Variants in SYTL5 observed in about 807,000 individuals in gnomAD.
SYTL5 encodes the protein synaptotagmin like 5.
In SYTL5, 34 loss-of-function variants were observed where a neutral mutation model predicts 55.9. The observed-to-expected ratio is 0.61, with a 90% CI of 0.46 to 0.81. The LOEUF is 0.81. Ranked by LOEUF, SYTL5 falls within the 30% of genes least tolerant of loss-of-function variation. The pLI is 0.00. For synonymous variants in SYTL5, 221 were observed against 188.7 expected (o/e 1.17, Z -1.40); for missense variants, 637 against 546.7 (o/e 1.17, Z -1.65).
At chrX:37,971,337 G>C in the SYTL5 span, among the ~76,000 whole-genome samples, 4 of 110,221 alleles carry the variant, frequency 3.6e-5, no homozygotes, top group Non-Finnish European at 3.8e-5. Context: ...TACATCATAA[G>C]GTAAGAAGAG....
intron 13 of SYTL5, among the ~76,000 whole-genome samples, chrX:38,113,986 A>G (rs1937424196): frequency 9.0e-6 from 1 of 111,507 alleles, no homozygotes; most frequent in South Asian, 3.8e-4. Flanking sequence ...GGACTTAACA[A>G]CAGTTACTCT....
At chrX:37,977,131 C>G in the SYTL5 span, among the ~76,000 whole-genome samples, 2 of 111,453 alleles carry the variant, frequency 1.8e-5, no homozygotes, top group East Asian at 5.6e-4. Context: ...AGAAATCAAG[C>G]ACAGTAGATG....
At chrX:38,023,176 T>C (rs148951319) in intron 1 of SYTL5, among the ~76,000 whole-genome samples, 291 of 112,088 alleles carry the variant, frequency 2.6e-3, no homozygotes, top group African/African-American at 9.2e-3. Context: ...TGTCACCTAA[T>C]TCACAGCATG....
chrX:38,010,580 C>T (rs1347609185), intron 1 of SYTL5, among the ~76,000 whole-genome samples: 1 of 111,634 alleles, frequency 9.0e-6, no homozygotes, highest in South Asian at 3.8e-4. Context: ...TGAAATATGT[C>T]AGTATATCAT....
chrX:38,120,534 G>A (rs760032244), intron 14 of SYTL5, 68 bp downstream of exon 14: 14 of 819,501 alleles, frequency 1.7e-5, no homozygotes, highest in Non-Finnish European at 2.6e-5. Context: ...TGGGACTCAG[G>A]GATTGGTTGC....
intron 7 of SYTL5, among the ~76,000 whole-genome samples, chrX:38,090,925 C>A (rs1212632180): frequency 8.9e-6 from 1 of 112,124 alleles, no homozygotes; most frequent in African/African-American, 3.2e-5. Context: ...AGGAAGGAGG[C>A]CAATGCAGCT....
At chrX:38,020,637 T>C (rs746223572) in intron 1 of SYTL5, among the ~76,000 whole-genome samples, 1 of 108,867 alleles carries the variant, frequency 9.2e-6, no homozygotes, top group South Asian at 4.0e-4. Context: ...AAATTCTTAA[T>C]AGAAAGTCTA....
At chrX:37,930,236 A>G in the SYTL5 span, among the ~76,000 whole-genome samples, 1 of 111,387 alleles carries the variant, frequency 9.0e-6, no homozygotes, top group African/African-American at 3.3e-5. Context: ...TAAATATTAT[A>G]ATTTACTTTT....
the SYTL5 span, among the ~76,000 whole-genome samples, chrX:37,934,815 G>A: frequency 2.7e-5 from 3 of 109,767 alleles, no homozygotes; most frequent in South Asian, 1.2e-3. Context: ...TGTATTTTTA[G>A]TAGAGGTGGG....
At chrX:38,029,967 C>T (rs1344532386) in intron 1 of SYTL5, among the ~76,000 whole-genome samples, 2 of 111,692 alleles carry the variant, frequency 1.8e-5, no homozygotes, top group Non-Finnish European at 3.8e-5. Flanking sequence ...TAGGGCTTAA[C>T]TTGCAGGCAC....
Position 38,089,510 on chromosome X carries a change from C to A in SYTL5, c.754C>A (p.Arg252=), listed in dbSNP as rs749025890. 8.3e-7 allele frequency: 1 copy of A among 1,210,506 alleles called. No individual in the cohort carries two copies. Among genetic ancestry groups the A allele is most frequent in the South Asian group, 1.8e-5 (1 of 56,839 alleles). ...EPGPRTPKSS[R]SNGVTPGTQS... is the part of the protein sequence containing the mutation. ...TGGTCCTAGGACCCCGAAGAGCAGT[C>A]GGAGCAATGGTGTGACCCCAGGCAC... The change falls in exon 7 of 17, where the codon CGG becomes AGG. Residue 252 remains arginine (R), a synonymous_variant. Coordinates refer to ENST00000297875, the MANE Select transcript of SYTL5 (RefSeq NM_138780.3).
rs138971466 is a variant in SYTL5, at chrX:38,026,813, G to A, written c.-356-6721G>A. The stretch of plus-strand genomic sequence containing the variant: ...AAGGTCTTTATGACCTGTACCTTGT[G>A]CTGACCTCCTGTCTCATCCTGTGAC... On this transcript the variant is annotated intron_variant, in intron 1 of 16. Coordinates refer to ENST00000297875, the MANE Select transcript of SYTL5 (RefSeq NM_138780.3). 4.6e-3 allele frequency among the ~76,000 whole-genome samples: 511 copies of A among 111,575 alleles called. 1 individual carries two copies. Among genetic ancestry groups the A allele is most frequent in the African/African-American group, 0.016 (490 of 30,751 alleles).
chrX:38,010,748 G>A (rs1278407571), intron 1 of SYTL5, among the ~76,000 whole-genome samples: 1 of 111,513 alleles, frequency 9.0e-6, no homozygotes, highest in Admixed American at 9.5e-5. Flanking sequence ...CAATTTATAG[G>A]ATTATTGCCC....
At chrX:38,095,492 C>T (rs1278398940) in intron 8 of SYTL5, among the ~76,000 whole-genome samples, 1 of 111,732 alleles carries the variant, frequency 8.9e-6, no homozygotes, top group African/African-American at 3.2e-5. Context: ...ATAAGCTGTC[C>T]TGACTTGGTA....
chrX:38,126,790 T>C lies in SYTL5; in HGVS notation c.*60T>C. ...CCTATCTGGCTGTCTTTTCCTACCA[T>C]TAGCAAACTGAGACCTGGGATTCTG... On this transcript the variant is annotated 3_prime_UTR_variant, in exon 17 of 17. Transcript: ENST00000297875. The C allele has an allele frequency of 8.2e-6, 9 of 1,102,936 alleles. No individual in the cohort carries two copies. The highest frequency in any genetic ancestry group is 1.1e-5 in the Non-Finnish European group (9 of 820,868). 90.9% of individuals were successfully genotyped at this position (1,102,936 alleles called of 1,213,427 possible).
the SYTL5 span, among the ~76,000 whole-genome samples, chrX:37,927,421 G>C: frequency 9.0e-6 from 1 of 111,530 alleles, no homozygotes; most frequent in Non-Finnish European, 1.9e-5. Context: ...AACAAAGGCA[G>C]CTCCGACTGA....
the SYTL5 span, among the ~76,000 whole-genome samples, chrX:37,893,698 T>G: frequency 1.3e-5 from 1 of 78,751 alleles, no homozygotes; most frequent in Non-Finnish European, 2.2e-5. Context: ...ATAGATTATA[T>G]ATAATCTATA....
At position 38,110,634 on chromosome X, in the gene SYTL5, ATGT is replaced by A. The variant is rs34784102; in HGVS notation, c.1596+156_1596+158del. The A allele has an allele frequency of 1.2e-3, 467 of 402,464 alleles. 1 individual carries two copies. The Admixed American group carries it at 0.02, about 17-fold the overall frequency. 33.2% of individuals were successfully genotyped at this position (402,464 alleles called of 1,213,427 possible). On this transcript the variant is annotated intron_variant, in intron 13 of 16. Coordinates refer to ENST00000297875, the MANE Select transcript of SYTL5 (RefSeq NM_138780.3). Reference sequence around the variant, plus strand: ...CAAATTTTGGAATAATATTATAAAAATGTTGTAAATCCACCGTTTTGGAAATTC... The same window carrying A: ...CAAATTTTGGAATAATATTATAAAAATGTAAATCCACCGTTTTGGAAATTC...
chrX:38,125,364 C>T lies in SYTL5; in HGVS notation c.1908C>T (p.Asn636=). ...CTCTGGTAATAAAAAAGAGTGTTAA[C>T]CCTCAGTGGAATCATACATTCATGT... ...HKTLVIKKSV[N]PQWNHTFMFS... Residue 636 remains asparagine (N), a synonymous_variant, in exon 16 of 17, where the codon AAC becomes AAT. Transcript: ENST00000297875. 8.3e-7 allele frequency: 1 copy of T among 1,211,388 alleles called. No homozygotes were observed. The highest frequency in any genetic ancestry group is 1.1e-6 in the Non-Finnish European group (1 of 895,068).
Sources: gnomAD v4.1 joint callset for allele counts (sites outside exome capture counted in the v4.1 genomes callset) on GRCh38, gnomAD v4.1.1 for gene constraint, MANE v1.5 for transcripts, NCBI Gene and HGNC (gene_info 2026-07-23, HGNC 2026-07-21) for gene names.